Variants in KIF1B observed in about 807,000 individuals in gnomAD.
The protein encoded by KIF1B is kinesin-like protein KIF1B.
A neutral mutation model predicts 241.9 loss-of-function variants in KIF1B; 76 were observed. The observed-to-expected ratio is 0.31, with a 90% CI of 0.26 to 0.38. KIF1B has a LOEUF of 0.38. Among genes scored for constraint, KIF1B ranks in the 10% least tolerant of loss-of-function variants. KIF1B has a pLI of 1.00. For missense variants in KIF1B, 1,622 were observed against 2,271.4 expected (o/e 0.71, Z 5.81); for synonymous variants, 750 against 796.7 (o/e 0.94, Z 0.99).
At chr1:10,353,841 C>T (rs1474835273) in intron 38 of KIF1B, among the ~76,000 whole-genome samples, 1 of 152,100 alleles carries the variant, frequency 6.6e-6, no homozygotes, top group Non-Finnish European at 1.5e-5. Flanking sequence ...AAGAGGGGTG[C>T]TTTGACTATC....
At chr1:10,320,861 C>T (rs1484861634) in intron 23 of KIF1B, among the ~76,000 whole-genome samples, 6 of 151,912 alleles carry the variant, frequency 3.9e-5, no homozygotes. Flanking sequence ...GCCACCATGC[C>T]CAGCTAATTT....
chr1:10,337,194 A>G lies in KIF1B; in HGVS notation c.3250A>G (p.Asn1084Asp). Residue 1084 changes from asparagine to aspartate, a missense_variant, in exon 30 of 49, where the codon AAT becomes GAT. Asn to Asp is a conservative substitution (Grantham distance 23). Transcript: ENST00000676179. The surrounding 1 kb of genome is among the most constrained non-coding windows in gnomAD (Gnocchi z 4.0). ...ITPPEEISRI[N>D]DLDLKSSTLL... ...TCCTCCAGAAGAAATCAGTCGAATT[A>G]ATGACTTGGGTATGTAGACATAGTT... is the stretch of plus-strand genomic sequence containing the variant. 1 of 1,614,162 alleles carries G rather than the reference A, an allele frequency of 6.2e-7. No homozygotes were observed. The highest frequency in any genetic ancestry group is 8.5e-7 in the Non-Finnish European group (1 of 1,180,026).
chr1:10,253,190 T>G (rs1647565242), intron 2 of KIF1B, among the ~76,000 whole-genome samples: 1 of 152,198 alleles, frequency 6.6e-6, no homozygotes, highest in South Asian at 2.1e-4. Context: ...GCTAAGAGTG[T>G]GAACTCTGGA....
intron 35 of KIF1B, among the ~76,000 whole-genome samples, chr1:10,347,499 T>C (rs1652630391): frequency 6.6e-6 from 1 of 152,232 alleles, no homozygotes; most frequent in Non-Finnish European, 1.5e-5. Flanking sequence ...GCCATTGCAC[T>C]TCTACATTAT....
At chr1:10,266,242 C>A (rs1401501440) in intron 5 of KIF1B, among the ~76,000 whole-genome samples, 2 of 152,136 alleles carry the variant, frequency 1.3e-5, no homozygotes, top group Admixed American at 1.3e-4. Context: ...ATTACTAAGG[C>A]TAGAACACTC....
rs189284770 is a variant in KIF1B at position 10,346,245 on chromosome 1, G to T, written c.3797+292G>T. Among the ~76,000 whole-genome samples, 17 of 152,246 alleles carry T rather than the reference G, an allele frequency of 1.1e-4. No individual in the cohort carries two copies. The East Asian group carries it at 2.5e-3, about 22-fold the overall frequency. On this transcript the variant is annotated intron_variant, in intron 35 of 48. Coordinates refer to ENST00000676179, the MANE Select transcript of KIF1B (RefSeq NM_001365951.3). ...TCCAGTTTTGAATTGATTTTTGGTG[G>T]TCTTGGTATTTGAATCAGATGTTTA...
At chr1:10,225,105 C>T (rs1423556659) in intron 1 of KIF1B, among the ~76,000 whole-genome samples, 1 of 152,188 alleles carries the variant, frequency 6.6e-6, no homozygotes, top group African/African-American at 2.4e-5. Context: ...CCGCTCACCT[C>T]CTGCTGTGTG....
At chr1:10,366,170 G>A (rs1304105452) in intron 43 of KIF1B, among the ~76,000 whole-genome samples, 1 of 152,188 alleles carries the variant, frequency 6.6e-6, no homozygotes, top group Non-Finnish European at 1.5e-5. Flanking sequence ...GGCGGAGATT[G>A]CAGTGAGCCG....
intron 19 of KIF1B, 114 bp downstream of exon 19, chr1:10,295,880 C>A: frequency 2.1e-6 from 2 of 939,450 alleles, no homozygotes; most frequent in Non-Finnish European, 3.3e-6. Flanking sequence ...CAATCTAATT[C>A]TGAAAAATGG....
At chr1:10,243,342 C>G (rs960638238) in intron 2 of KIF1B, among the ~76,000 whole-genome samples, 1 of 152,210 alleles carries the variant, frequency 6.6e-6, no homozygotes, top group Non-Finnish European at 1.5e-5. Context: ...ACGCTTAAAC[C>G]TGGGAGGCAG....
intron 22 of KIF1B, among the ~76,000 whole-genome samples, chr1:10,316,169 G>C (rs1249944246): frequency 6.6e-6 from 1 of 151,226 alleles, no homozygotes; most frequent in Non-Finnish European, 1.5e-5. Context: ...AGAGGTCAAG[G>C]TTATAGTGAG....
chr1:10,350,414 G>A (rs1189386308), intron 37 of KIF1B, among the ~76,000 whole-genome samples: 2 of 152,100 alleles, frequency 1.3e-5, no homozygotes, highest in Non-Finnish European at 2.9e-5. Flanking sequence ...AAAAAAATTA[G>A]CCAGGCGTGG....
chr1:10,341,838 G>A (rs1409264510), intron 32 of KIF1B, among the ~76,000 whole-genome samples: 1 of 151,998 alleles, frequency 6.6e-6, no homozygotes, highest in Non-Finnish European at 1.5e-5. Context: ...AGGCATGGTG[G>A]TGCATGTCTG....
intron 22 of KIF1B, among the ~76,000 whole-genome samples, chr1:10,316,443 AT>A (rs1411644863): frequency 6.6e-6 from 1 of 151,488 alleles, no homozygotes; most frequent in Non-Finnish European, 1.5e-5. Context: ...GATCGTATGC[AT>A]ATCCTGTTTC....
Position 10,281,961 on chromosome 1 carries a change from A to G in KIF1B, c.1223-361A>G, listed in dbSNP as rs527311744. Among the ~76,000 whole-genome samples the G allele has an allele frequency of 6.0e-4, 91 of 152,382 alleles. 1 individual carries two copies. The highest frequency in any genetic ancestry group is 2.2e-3 in the African/African-American group (90 of 41,590). ...TGTAAATCTGAAGACATTGTAGACT[A>G]GGAACACTAGAAAGACTAAATGGAA... On this transcript the variant is annotated intron_variant, in intron 14 of 48. Transcript: ENST00000676179.
intron 38 of KIF1B, among the ~76,000 whole-genome samples, chr1:10,354,433 A>T (rs1652905562): frequency 6.6e-6 from 1 of 152,106 alleles, no homozygotes; most frequent in African/African-American, 2.4e-5. Flanking sequence ...TAAGTTCAAA[A>T]TCCTTTAAAT....
At chr1:10,280,855 T>A (rs1649374763) in intron 14 of KIF1B, among the ~76,000 whole-genome samples, 1 of 152,212 alleles carries the variant, frequency 6.6e-6, no homozygotes, top group South Asian at 2.1e-4. Flanking sequence ...TAAGTTTTAA[T>A]TCTGTATTCC....
At chr1:10,300,288 CT>C (rs1362442226) in intron 22 of KIF1B, among the ~76,000 whole-genome samples, 1 of 134,018 alleles carries the variant, frequency 7.5e-6, no homozygotes, top group Non-Finnish European at 1.7e-5. Context: ...ATAAAAAATT[CT>C]TTTTTTGACA....
chr1:10,257,567 C>G (rs1647868776), intron 3 of KIF1B, among the ~76,000 whole-genome samples: 1 of 152,002 alleles, frequency 6.6e-6, no homozygotes, highest in Non-Finnish European at 1.5e-5. Flanking sequence ...TTCCTGGTAC[C>G]CTTACTCAGT....
Sources: gnomAD v4.1 joint callset for allele counts (sites outside exome capture counted in the v4.1 genomes callset) on GRCh38, gnomAD v4.1.1 for gene constraint, Gnocchi (gnomAD v3.1) non-coding constraint, MANE v1.5 for transcripts, NCBI Gene and HGNC (gene_info 2026-07-23, HGNC 2026-07-21) for gene names.